The following NAT1 variants were observed in gnomAD, a reference collection of about 807,000 sequenced individuals.
NAT1 encodes arylamine N-acetyltransferase 1.
For missense variants in NAT1, 400 were observed against 339.2 expected (o/e 1.18, Z -1.41); for synonymous variants, 144 against 122.6 (o/e 1.17, Z -1.16).
intron 2 of NAT1, among the ~76,000 whole-genome samples, chr8:18,173,703 G>C (rs1802184013): frequency 6.6e-6 from 1 of 152,136 alleles, no homozygotes; most frequent in Non-Finnish European, 1.5e-5. Flanking sequence ...ATGGGTATAA[G>C]ATTATGTACC....
chr8:18,184,305 G>T (rs547968264), intron 2 of NAT1, among the ~76,000 whole-genome samples: 9 of 152,252 alleles, frequency 5.9e-5, no homozygotes, highest in Admixed American at 4.6e-4. Flanking sequence ...GCATTAGAAT[G>T]CATGGATCAG....
rs77805036 is a variant in NAT1 at position 18,202,625 on chromosome 8, A to T, written n.93-7156A>T. On this transcript the variant is annotated intron_variant and non_coding_transcript_variant, in intron 2 of 4. Coordinates refer to the NAT1 transcript ENST00000517441. ...CAGGAGTGAAGCTGTAGACCTTCGC[A>T]GTGAGCGTTACAGCTATTAAAGGTG... Among the ~76,000 whole-genome samples, 812 of 151,966 alleles carry T rather than the reference A, an allele frequency of 5.3e-3. 10 individuals carry two copies. Among genetic ancestry groups the T allele is most frequent in the African/African-American group, 0.019 (774 of 41,456 alleles).
At chr8:18,198,353 CTGAGTTA>C (rs1803319876) in intron 2 of NAT1, among the ~76,000 whole-genome samples, 1 of 152,168 alleles carries the variant, frequency 6.6e-6, no homozygotes, top group Non-Finnish European at 1.5e-5. Flanking sequence ...GGGTAAGTCA[CTGAGTTA>C]TGAATGGTGT....
chr8:18,185,441 TG>T (rs1288253641), intron 2 of NAT1, among the ~76,000 whole-genome samples: 14 of 152,166 alleles, frequency 9.2e-5, no homozygotes, highest in African/African-American at 2.9e-4. Flanking sequence ...GCCATAATAC[TG>T]GTCATAATGT....
chr8:18,186,321 T>C (rs7818369), intron 2 of NAT1, among the ~76,000 whole-genome samples: 5,489 of 152,270 alleles, frequency 0.036, 311 homozygotes, highest in African/African-American at 0.12. Flanking sequence ...TCCAAATGAA[T>C]TAATGTCATT....
In NAT1 at chr8:18,219,420, C is replaced by T; in HGVS notation, c.-76C>T. On this transcript the variant is annotated 5_prime_UTR_variant, in exon 2 of 3. Coordinates refer to ENST00000307719, the MANE Select transcript of NAT1 (RefSeq NM_000662.8). ...TTTCTCTTATTTCTAGAATTCAAGC[C>T]AGGAAGAAGCAGCAATCTGTCTTCT... 3 of 1,547,618 alleles carry T rather than the reference C, an allele frequency of 1.9e-6. No homozygotes were observed. The highest frequency in any genetic ancestry group is 1.7e-6 in the Non-Finnish European group (2 of 1,144,978).
At chr8:18,194,988 T>C (rs1182015723) in intron 2 of NAT1, among the ~76,000 whole-genome samples, 1 of 152,174 alleles carries the variant, frequency 6.6e-6, no homozygotes, top group African/African-American at 2.4e-5. Flanking sequence ...TCAGACCCTC[T>C]TCTCACTAAT....
intron 2 of NAT1, among the ~76,000 whole-genome samples, chr8:18,200,766 A>G (rs1803427004): frequency 6.6e-6 from 1 of 152,122 alleles, no homozygotes; most frequent in South Asian, 2.1e-4. Context: ...ATACGTGATC[A>G]ATCCCTTCAT....
intron 1 of NAT1, among the ~76,000 whole-genome samples, chr8:18,216,062 T>C (rs1589116507): frequency 0.028 from 1 of 36 alleles, no homozygotes; most frequent in African/African-American, 0.1. Context: ...GTGAATGTGC[T>C]TTTTTTTGCA....
At chr8:18,212,096 G>C (rs897626933) in intron 1 of NAT1, 2 of 152,078 alleles carry the variant, frequency 1.3e-5, no homozygotes, top group African/African-American at 2.4e-5. Flanking sequence ...TAGCAATAAA[G>C]AAAAAGAAAA....
intron 1 of NAT1, chr8:18,217,003 C>T: frequency 6.5e-6 from 10 of 1,538,206 alleles, no homozygotes; most frequent in Non-Finnish European, 8.8e-6. Context: ...GGGTCAGTAC[C>T]CTGGATGCAG....
chr8:18,198,632 A>C (rs917653846), intron 2 of NAT1, among the ~76,000 whole-genome samples: 2 of 152,224 alleles, frequency 1.3e-5, no homozygotes, highest in Non-Finnish European at 2.9e-5. Flanking sequence ...AGTAGTACTG[A>C]AGTATAATTG....
In NAT1 at chr8:18,222,114, A is replaced by G. The variant is rs767121351; in HGVS notation, c.67A>G (p.Thr23Ala). 22 of 1,614,068 alleles carry G rather than the reference A, an allele frequency of 1.4e-5. No homozygotes were observed. Among genetic ancestry groups the G allele is most frequent in the Non-Finnish European group, 1.9e-5 (22 of 1,180,016 alleles). Residue 23 changes from threonine to alanine, a missense_variant, in exon 3 of 3, where the codon ACA becomes GCA. By Grantham distance (58) the Thr-to-Ala change is moderately conservative. Transcript: ENST00000307719. ...KKSRNKLDLETLTDILQHQIR... is the reference protein window; with the variant it reads ...KKSRNKLDLEALTDILQHQIR... ...GTCTAGGAACAAATTGGACTTGGAA[A>G]CATTAACTGACATTCTTCAACACCA...
chr8:18,202,426 A>C (rs979595360), intron 2 of NAT1, among the ~76,000 whole-genome samples: 1 of 152,234 alleles, frequency 6.6e-6, no homozygotes, highest in Non-Finnish European at 1.5e-5. Flanking sequence ...TGTGTCCGGA[A>C]TTTATTCCTT....
chr8:18,176,018 G>C (rs1167547760), intron 2 of NAT1, among the ~76,000 whole-genome samples: 1 of 152,046 alleles, frequency 6.6e-6, no homozygotes, highest in Admixed American at 6.6e-5. Flanking sequence ...TTTGAGAAAT[G>C]CCTGTTCAGA....
chr8:18,195,620 T>A (rs1347467894), intron 2 of NAT1, among the ~76,000 whole-genome samples: 1 of 152,120 alleles, frequency 6.6e-6, no homozygotes, highest in African/African-American at 2.4e-5. Flanking sequence ...AAAATGCCAT[T>A]CCTGTATATT....
chr8:18,181,963 C>T (rs978350015), intron 2 of NAT1, among the ~76,000 whole-genome samples: 8 of 152,064 alleles, frequency 5.3e-5, no homozygotes, highest in Admixed American at 1.3e-4. Context: ...TGTGTTGCAC[C>T]GTGGCAGGCC....
chr8:18,196,957 G>A (rs1473347269), intron 2 of NAT1, among the ~76,000 whole-genome samples: 3 of 152,254 alleles, frequency 2.0e-5, no homozygotes, highest in African/African-American at 4.8e-5. Context: ...AAATTATGAA[G>A]GAAAGAGGTT....
intron 1 of NAT1, chr8:18,211,437 C>T (rs1447457520): frequency 6.6e-6 from 1 of 152,264 alleles, no homozygotes; most frequent in East Asian, 1.9e-4. Context: ...AAACAGGTGA[C>T]ACCACCTTCC....
Sources: gnomAD v4.1 joint callset for allele counts (sites outside exome capture counted in the v4.1 genomes callset) on GRCh38, gnomAD v4.1.1 for gene constraint, MANE v1.5 for transcripts, NCBI Gene and HGNC (gene_info 2026-07-23, HGNC 2026-07-21) for gene names.